Variants in UNC5D observed in about 807,000 individuals in gnomAD.
UNC5D encodes netrin receptor UNC5D.
A neutral mutation model predicts 105.4 loss-of-function variants in UNC5D; 39 were observed. The ratio of observed to expected loss-of-function variants is 0.37; its 90% CI spans 0.29 to 0.48. The LOEUF is 0.48. Among genes scored for constraint, UNC5D ranks in the 20% least tolerant of loss-of-function variants. The pLI, the probability that UNC5D is intolerant of heterozygous loss-of-function variation, is 0.98. For synonymous variants in UNC5D, 452 were observed against 450.4 expected, an observed-to-expected ratio of 1.00 and a Z score of -0.04; for missense variants, 991 against 1,202.4, an observed-to-expected ratio of 0.82 and a Z score of 2.60.
Position 35,795,475 on chromosome 8 carries a change from G to A in UNC5D, c.*4912G>A, listed in dbSNP as rs1217589206. On this transcript the variant is annotated 3_prime_UTR_variant, in exon 17 of 17. Transcript: ENST00000404895. ...TGGTTCTGGTGAATCATAGAAGGGA[G>A]AGACAATATTTGAGGGGAGTTTATC... 1.3e-5 allele frequency: 2 copies of A among 152,256 alleles called. No individual in the cohort carries two copies. Among genetic ancestry groups the A allele is most frequent in the Non-Finnish European group, 2.9e-5 (2 of 68,018 alleles). The allele number at this position is 152,256 out of a possible 1,614,324, so 9.4% of individuals were successfully genotyped here. A position where few individuals can be genotyped will look rare whatever the true frequency, so the allele number is the denominator to read the frequency against.
intron 1 of UNC5D, among the ~76,000 whole-genome samples, chr8:35,489,800 G>A (rs2130088882): frequency 6.6e-6 from 1 of 152,280 alleles, no homozygotes; most frequent in South Asian, 2.1e-4. Context: ...TTGGTTTATT[G>A]CAAACGTTTA....
intron 11 of UNC5D, among the ~76,000 whole-genome samples, chr8:35,733,547 C>G (rs746318867): frequency 3.3e-5 from 5 of 152,214 alleles, no homozygotes; most frequent in Non-Finnish European, 7.3e-5. Context: ...ACGGTTCCCT[C>G]TGTCTTAGTT....
intron 1 of UNC5D, among the ~76,000 whole-genome samples, chr8:35,283,091 T>C (rs1806312492): frequency 1.3e-5 from 2 of 152,156 alleles, no homozygotes; most frequent in African/African-American, 2.4e-5. Context: ...GGGAAGCTAT[T>C]TGGGGGTAGT....
chr8:35,313,953 T>A (rs896263667), intron 1 of UNC5D, among the ~76,000 whole-genome samples: 2 of 152,152 alleles, frequency 1.3e-5, no homozygotes, highest in African/African-American at 4.8e-5. Context: ...GCTGTTAAAT[T>A]TTTTTTATGC....
intron 1 of UNC5D, among the ~76,000 whole-genome samples, chr8:35,395,072 A>G (rs1207521009): frequency 6.6e-6 from 1 of 152,188 alleles, no homozygotes. Context: ...CTTTTGCAAA[A>G]ATAAGAAGCA....
rs28588894 is a variant in UNC5D, at chr8:35,388,037, A to T, written c.103+152150A>T. On this transcript the variant is annotated intron_variant, in intron 1 of 16. Coordinates refer to ENST00000404895, the MANE Select transcript of UNC5D (RefSeq NM_080872.4). Reference sequence around the variant, plus strand: ...AATGGGATAAGAAATAGTACTGGGGAGGAATTTCCTTAAGACCTGCTCAGG... The same window carrying T: ...AATGGGATAAGAAATAGTACTGGGGTGGAATTTCCTTAAGACCTGCTCAGG... Among the ~76,000 whole-genome samples the T allele has an allele frequency of 6.0e-3, 921 of 152,248 alleles. 8 individuals are homozygous for T. The highest frequency in any genetic ancestry group is 0.02 in the African/African-American group (851 of 41,554).
intron 2 of UNC5D, among the ~76,000 whole-genome samples, chr8:35,550,102 T>C (rs1816012098): frequency 6.6e-6 from 1 of 152,128 alleles, no homozygotes; most frequent in South Asian, 2.1e-4. Flanking sequence ...GTGGTGATGA[T>C]GGAAATTATG....
At position 35,774,342 on chromosome 8, in the gene UNC5D, C is replaced by G; in HGVS notation, c.2522C>G (p.Thr841Ser). 1 of 1,614,068 alleles carries G rather than the reference C, an allele frequency of 6.2e-7. No homozygotes were observed. The highest frequency in any genetic ancestry group is 8.5e-7 in the Non-Finnish European group (1 of 1,179,974). ...ACTTTCTTCGCACAAGAGGACAGCA[C>G]TTTCCCTGCACAGACTGGCCCCAAA... ...TITFFAQEDS[T>S]FPAQTGPKAF... Residue 841 changes from threonine (T) to serine (S), a missense_variant, in exon 16 of 17, where the codon ACT becomes AGT. This residue lies in a region of UNC5D where 944 missense variants were observed against 1,131.6 expected (regional missense o/e 0.83). Coordinates refer to ENST00000404895, the MANE Select transcript of UNC5D (RefSeq NM_080872.4).
intron 1 of UNC5D, among the ~76,000 whole-genome samples, chr8:35,269,894 C>A (rs1805157194): frequency 6.6e-6 from 1 of 152,174 alleles, no homozygotes; most frequent in Non-Finnish European, 1.5e-5. Context: ...ATGTCCATAT[C>A]CATTCTGCTA....
intron 1 of UNC5D, among the ~76,000 whole-genome samples, chr8:35,330,434 A>G (rs1810524655): frequency 6.6e-6 from 1 of 152,210 alleles, no homozygotes; most frequent in Non-Finnish European, 1.5e-5. Flanking sequence ...GGTCTCTTTT[A>G]ATCACTGGCT....
intron 1 of UNC5D, among the ~76,000 whole-genome samples, chr8:35,331,399 G>A (rs1343133323): frequency 6.6e-6 from 1 of 152,082 alleles, no homozygotes; most frequent in Non-Finnish European, 1.5e-5. Flanking sequence ...CCCTGAATAT[G>A]GTGGATTGCT....
At chr8:35,365,262 T>G (rs1802049116) in intron 1 of UNC5D, among the ~76,000 whole-genome samples, 1 of 152,140 alleles carries the variant, frequency 6.6e-6, no homozygotes, top group African/African-American at 2.4e-5. Context: ...TGTTTCATTT[T>G]GCACAACTGA....
At chr8:35,568,524 A>T (rs1817510968) in intron 3 of UNC5D, among the ~76,000 whole-genome samples, 1 of 152,144 alleles carries the variant, frequency 6.6e-6, no homozygotes, top group Non-Finnish European at 1.5e-5. Context: ...CCCCATCTCT[A>T]CTAATAATAC....
intron 1 of UNC5D, among the ~76,000 whole-genome samples, chr8:35,400,635 T>C (rs7829585): frequency 0.43 from 65,633 of 151,922 alleles, 14,501 homozygotes; most frequent in East Asian, 0.71. Context: ...GCATGTTTTG[T>C]TGGTTTTTAT....
intron 1 of UNC5D, among the ~76,000 whole-genome samples, chr8:35,465,232 A>G (rs938849947): frequency 6.6e-6 from 1 of 152,180 alleles, no homozygotes; most frequent in East Asian, 1.9e-4. Context: ...CTATGCAAAA[A>G]GTACAAAAAA....
At chr8:35,602,186 T>A (rs1819937170) in intron 4 of UNC5D, among the ~76,000 whole-genome samples, 2 of 152,188 alleles carry the variant, frequency 1.3e-5, no homozygotes, top group Non-Finnish European at 1.5e-5. Flanking sequence ...GATGTGTTGC[T>A]GAGTTTGGTT....
intron 1 of UNC5D, among the ~76,000 whole-genome samples, chr8:35,356,125 T>C (rs1207212384): frequency 6.6e-6 from 1 of 152,202 alleles, no homozygotes; most frequent in African/African-American, 2.4e-5. Context: ...TATTTTGTTA[T>C]AGTGGCACAA....
At chr8:35,474,303 A>G (rs1809935815) in intron 1 of UNC5D, among the ~76,000 whole-genome samples, 1 of 152,238 alleles carries the variant, frequency 6.6e-6, no homozygotes, top group Non-Finnish European at 1.5e-5. Flanking sequence ...ATGCAAAGAC[A>G]AAAGAATTGT....
At chr8:35,493,525 AT>A (rs1264168902) in intron 1 of UNC5D, among the ~76,000 whole-genome samples, 1 of 152,070 alleles carries the variant, frequency 6.6e-6, no homozygotes, top group Non-Finnish European at 1.5e-5. Flanking sequence ...TAATTGATAA[AT>A]TTGCCTTTCT....
Sources: gnomAD v4.1 joint callset for allele counts (sites outside exome capture counted in the v4.1 genomes callset) on GRCh38, gnomAD v4.1.1 for gene constraint, gnomAD v4.1.1 regional missense constraint, MANE v1.5 for transcripts, NCBI Gene and HGNC (gene_info 2026-07-23, HGNC 2026-07-21) for gene names.